Variants in DNAAF11 observed in about 807,000 individuals in gnomAD.
DNAAF11 encodes the protein dynein axonemal assembly factor 11.
DNAAF11 carries 45 observed loss-of-function variants against 60.8 expected under a neutral mutation model. That is an observed-to-expected ratio of 0.74 (90% CI 0.58 to 0.95). DNAAF11 has a LOEUF of 0.95. DNAAF11 is among the 40% of genes least tolerant of loss of function. The pLI is 0.00. For missense variants in DNAAF11, 546 were observed against 546.2 expected (o/e 1.00, Z 0.00); for synonymous variants, 191 against 183.5 (o/e 1.04, Z -0.33).
At chr8:132,591,727 C>A (rs972508118) in intron 10 of DNAAF11, among the ~76,000 whole-genome samples, 12 of 151,872 alleles carry the variant, frequency 7.9e-5, no homozygotes, top group African/African-American at 2.7e-4. Context: ...ACGTGGTAAG[C>A]CCTCAACAAT....
At chr8:132,576,618 A>C (rs1461074126) in intron 11 of DNAAF11, among the ~76,000 whole-genome samples, 1 of 152,190 alleles carries the variant, frequency 6.6e-6, no homozygotes, top group Non-Finnish European at 1.5e-5. Context: ...AATGCCCCCA[A>C]ATCTAAACCT....
chr8:132,627,402 G>C (rs1820384280), intron 5 of DNAAF11, among the ~76,000 whole-genome samples: 1 of 152,162 alleles, frequency 6.6e-6, no homozygotes, highest in Non-Finnish European at 1.5e-5. Context: ...AACAGAGTGA[G>C]CTCATTAGTG....
intron 4 of DNAAF11, among the ~76,000 whole-genome samples, chr8:132,633,588 G>C (rs1399799892): frequency 6.6e-6 from 1 of 152,166 alleles, no homozygotes. Context: ...AGGAAGGGGT[G>C]GTTGGAAGAT....
At chr8:132,632,252 TAAAC>T (rs1156673916) in intron 5 of DNAAF11, among the ~76,000 whole-genome samples, 1 of 152,100 alleles carries the variant, frequency 6.6e-6, no homozygotes, top group Non-Finnish European at 1.5e-5. Context: ...TCACTTAAAA[TAAAC>T]AAACATGAAA....
At chr8:132,673,106 A>G (rs568034997) in intron 1 of DNAAF11, among the ~76,000 whole-genome samples, 159 of 152,260 alleles carry the variant, frequency 1.0e-3, no homozygotes, top group Non-Finnish European at 1.7e-3. Flanking sequence ...TGGCACAGCA[A>G]AAGAGGACCA....
intron 5 of DNAAF11, among the ~76,000 whole-genome samples, chr8:132,632,009 G>C (rs1820851122): frequency 6.7e-6 from 1 of 148,836 alleles, no homozygotes; most frequent in East Asian, 2.0e-4. Context: ...AAAACTTAAA[G>C]TATAATTTAA....
At chr8:132,660,789 C>G (rs1022279049) in intron 2 of DNAAF11, among the ~76,000 whole-genome samples, 10 of 152,166 alleles carry the variant, frequency 6.6e-5, no homozygotes, top group African/African-American at 2.4e-4. Context: ...AAAGCAAAGG[C>G]CCACCTGGGG....
At chr8:132,643,317 A>G (rs75067937) in intron 3 of DNAAF11, 3,627 of 204,598 alleles carry the variant, frequency 0.018, 158 homozygotes, top group African/African-American at 0.077. Context: ...ACACATACTT[A>G]AGTCTGTAAG....
chr8:132,658,279 C>T (rs1823776374), intron 2 of DNAAF11, among the ~76,000 whole-genome samples: 1 of 152,162 alleles, frequency 6.6e-6, no homozygotes, highest in Admixed American at 6.6e-5. Context: ...TGAAAAAGCT[C>T]TTTAGAAACA....
intron 1 of DNAAF11, among the ~76,000 whole-genome samples, chr8:132,674,573 GT>G (rs1467085331): frequency 6.6e-6 from 1 of 152,228 alleles, no homozygotes; most frequent in Non-Finnish European, 1.5e-5. Flanking sequence ...TCACCTTGCA[GT>G]TTGTTAGTAT....
chr8:132,675,451 A>T, intron 1 of DNAAF11, 33 bp downstream of exon 1: 2 of 1,555,078 alleles, frequency 1.3e-6, no homozygotes, highest in Non-Finnish European at 1.7e-6. Flanking sequence ...CACAAGGGGA[A>T]CGATCGAGGA....
rs78758752 is a variant in DNAAF11, at chr8:132,650,970, A to G, written c.256+5860T>C. Among the ~76,000 whole-genome samples, 629 of 152,378 alleles carry G rather than the reference A, an allele frequency of 4.1e-3. 10 individuals carry two copies. The highest frequency in any genetic ancestry group is 0.014 in the African/African-American group (591 of 41,598). ...CTACTTGGCCTACAATTAAGAAATT[A>G]AACTACATTTGTCATCCCAAATATG... On this transcript the variant is annotated intron_variant, in intron 3 of 11. Coordinates refer to ENST00000620350, the MANE Select transcript of DNAAF11 (RefSeq NM_012472.6).
At chr8:132,681,887 G>A in the DNAAF11 span, among the ~76,000 whole-genome samples, 1 of 152,154 alleles carries the variant, frequency 6.6e-6, no homozygotes, top group Non-Finnish European at 1.5e-5. Context: ...TCAAGTATAG[G>A]AGTCTCAAGC....
intron 11 of DNAAF11, among the ~76,000 whole-genome samples, chr8:132,580,564 A>G (rs1815218847): frequency 6.6e-6 from 1 of 152,224 alleles, no homozygotes; most frequent in East Asian, 1.9e-4. Flanking sequence ...ACCACAATGA[A>G]AAAGTAAATT....
the DNAAF11 span, among the ~76,000 whole-genome samples, chr8:132,690,472 T>G: frequency 2.6e-5 from 4 of 152,188 alleles, no homozygotes; most frequent in African/African-American, 4.8e-5. Flanking sequence ...CAATTAAACT[T>G]CCTTTGTTTA....
rs866602718 is a variant in DNAAF11, at chr8:132,614,026, T to C, written c.974+1012A>G. On this transcript the variant is annotated intron_variant, in intron 8 of 11. Transcript: ENST00000620350. Reference sequence around the variant, plus strand: ...TGAGCACCTAACAGGTGCCAGGTATTGTTTTAGGTGTGGAGATGTAGAGAG... The same window carrying C: ...TGAGCACCTAACAGGTGCCAGGTATCGTTTTAGGTGTGGAGATGTAGAGAG... Among the ~76,000 whole-genome samples the C allele has an allele frequency of 1.2e-3, 180 of 152,370 alleles. 1 individual carries two copies. Among genetic ancestry groups the C allele is most frequent in the African/African-American group, 4.1e-3 (169 of 41,596 alleles).
rs199925022 is a variant in DNAAF11 at position 132,599,511 on chromosome 8, T to G, written c.1140+10655A>C. 4.2e-4 allele frequency among the ~76,000 whole-genome samples: 64 copies of G among 152,200 alleles called. No individual in the cohort carries two copies. In the East Asian group the frequency reaches 0.012, roughly 28 times the overall value. ...GGCCAATATCCCTGATGAACATCGG[T>G]GCAAAAATCCTCAAAAAAATACTGG... On this transcript the variant is annotated intron_variant, in intron 10 of 11. Coordinates refer to ENST00000620350, the MANE Select transcript of DNAAF11 (RefSeq NM_012472.6).
Position 132,615,231 on chromosome 8 carries a change from A to G in DNAAF11, c.915-134T>C, listed in dbSNP as rs55641476. ...CAAAGACAACTTATTTTAGTGGTTG[A>G]ACAATCAAATATCAACGGTAATTTT... is the stretch of plus-strand genomic sequence containing the variant. On this transcript the variant is annotated intron_variant, in intron 7 of 11. Coordinates refer to ENST00000620350, the MANE Select transcript of DNAAF11 (RefSeq NM_012472.6). 22,072 of 509,680 alleles carry G rather than the reference A, an allele frequency of 0.043. 2,407 individuals carry two copies. Among genetic ancestry groups the G allele is most frequent in the African/African-American group, 0.29 (15,083 of 51,632 alleles). The allele number at this position is 509,680 out of a possible 1,614,324, so 31.6% of individuals were successfully genotyped here.
At chr8:132,610,324 AAG>A (rs1219223033) in intron 9 of DNAAF11, 63 bp from the exon 10 acceptor site, 1 of 1,041,954 alleles carries the variant, frequency 9.6e-7, no homozygotes, top group African/African-American at 1.6e-5. Flanking sequence ...GGGTTACTAA[AAG>A]GGGCATTTTC....
Sources: gnomAD v4.1 joint callset for allele counts (sites outside exome capture counted in the v4.1 genomes callset) on GRCh38, gnomAD v4.1.1 for gene constraint, MANE v1.5 for transcripts, NCBI Gene and HGNC (gene_info 2026-07-23, HGNC 2026-07-21) for gene names.